Variants in MYBPC1 observed in about 807,000 individuals in gnomAD.
The protein encoded by MYBPC1 is myosin-binding protein C, slow-type.
In MYBPC1, 52 loss-of-function variants were observed where a neutral mutation model predicts 147.1. The ratio of observed to expected loss-of-function variants is 0.35; its 90% confidence interval spans 0.28 to 0.45. MYBPC1 has a LOEUF of 0.45. MYBPC1 is among the 20% of genes least tolerant of loss of function. The pLI is 1.00. For missense variants in MYBPC1, 1,228 were observed against 1,440.3 expected (o/e 0.85, Z 2.39); for synonymous variants, 477 against 475.9 (o/e 1.00, Z -0.03).
intron 30 of MYBPC1, among the ~76,000 whole-genome samples, chr12:101,683,297 G>T (rs923963076): frequency 4.6e-5 from 7 of 152,066 alleles, no homozygotes; most frequent in African/African-American, 1.7e-4. Context: ...AGGTGTGGTG[G>T]CACATGCCTA....
At chr12:101,680,595 T>C in intron 29 of MYBPC1, 66 bp downstream of exon 29, 1 of 1,584,302 alleles carries the variant, frequency 6.3e-7, no homozygotes, top group Non-Finnish European at 8.6e-7. Context: ...TTGTTCTTAA[T>C]GCTTATTGTT....
chr12:101,692,482 A>G, the MYBPC1 span, among the ~76,000 whole-genome samples: 2 of 152,328 alleles, frequency 1.3e-5, no homozygotes, highest in East Asian at 3.9e-4. Flanking sequence ...TGGCTTTACC[A>G]CTATACTAGC....
At chr12:101,596,350 C>T (rs1214911873) in intron 1 of MYBPC1, among the ~76,000 whole-genome samples, 9 of 152,228 alleles carry the variant, frequency 5.9e-5, no homozygotes. Flanking sequence ...TTAATCCTGA[C>T]TGTCAGGCAG....
At chr12:101,634,090 C>T (rs548978919) in intron 8 of MYBPC1, among the ~76,000 whole-genome samples, 47 of 152,100 alleles carry the variant, frequency 3.1e-4, no homozygotes, top group African/African-American at 1.1e-3. Flanking sequence ...TTAGTAGAGA[C>T]GGGGTTTCAC....
chr12:101,618,652 CT>C (rs1317688449), intron 3 of MYBPC1, among the ~76,000 whole-genome samples: 6 of 152,144 alleles, frequency 3.9e-5, no homozygotes, highest in Admixed American at 3.9e-4. Context: ...CCATATTATA[CT>C]TGTATGCTTA....
intron 23 of MYBPC1, among the ~76,000 whole-genome samples, chr12:101,668,317 A>G (rs1009765233): frequency 6.6e-6 from 1 of 152,230 alleles, no homozygotes; most frequent in African/African-American, 2.4e-5. Context: ...ATCTTCACTG[A>G]TAGTATAAAA....
intron 22 of MYBPC1, among the ~76,000 whole-genome samples, chr12:101,663,985 T>A (rs11110944): frequency 0.026 from 4,016 of 152,298 alleles, 257 homozygotes; most frequent in East Asian, 0.25. Flanking sequence ...AAAGGGAGAC[T>A]ACATATTTGG....
downstream of MYBPC1, among the ~76,000 whole-genome samples, chr12:101,686,193 A>T (rs576711082): frequency 1.7e-3 from 256 of 152,304 alleles, no homozygotes; most frequent in Non-Finnish European, 2.9e-3. Context: ...TTTCAAACAA[A>T]TTTTCTCAGT....
Position 101,617,205 on chromosome 12 carries a change from C to G in MYBPC1, c.65C>G (p.Pro22Arg), listed in dbSNP as rs1277030354. Residue 22 changes from proline to arginine, a missense_variant, in exon 3 of 32, where the codon CCA (proline) becomes CGA (arginine). By Grantham distance (103) the Pro-to-Arg change is moderately radical. Transcript: ENST00000361466. The part of the protein sequence containing the change: ...VPAPAPPPEE[P>R]SKEKEAGTTP... ...TATGCTTGTACTTTCTACACAGAAC[C>G]AAGTAAAGAGAAGGAGGCCGGAACT... 5 of 1,613,596 alleles carry G rather than the reference C, an allele frequency of 3.1e-6. No homozygotes were observed. The highest frequency in any genetic ancestry group is 4.2e-6 in the Non-Finnish European group (5 of 1,179,798).
chr12:101,645,186 A>T (rs1237457098), intron 12 of MYBPC1, among the ~76,000 whole-genome samples: 2 of 152,244 alleles, frequency 1.3e-5, no homozygotes, highest in Admixed American at 1.3e-4. Context: ...TTGCTTTTCC[A>T]AAATAACGAC....
intron 2 of MYBPC1, chr12:101,614,915 T>G (rs889486617): frequency 8.6e-5 from 27 of 313,436 alleles, no homozygotes; most frequent in Middle Eastern, 1.1e-3. Context: ...TTTATGAGAG[T>G]GGGGAGTGGA....
downstream of MYBPC1, among the ~76,000 whole-genome samples, chr12:101,689,165 C>CTTTT (rs1951386751): frequency 6.6e-6 from 1 of 152,034 alleles, no homozygotes; most frequent in South Asian, 2.1e-4. Flanking sequence ...ACAGGACTTA[C>CTTTT]CATATTACTT....
At chr12:101,669,937 AAAG>A (rs758853281) in intron 23 of MYBPC1, 60,488 of 251,820 alleles carry the variant, frequency 0.24, 8,056 homozygotes, top group Admixed American at 0.4. Context: ...TGAAAAAAAA[AAAG>A]AAAAAAAAAA....
At chr12:101,636,976 T>TA (rs1216480357) in intron 10 of MYBPC1, 3 of 230,974 alleles carry the variant, frequency 1.3e-5, no homozygotes, top group Non-Finnish European at 2.2e-5. Context: ...TATTTTTTTT[T>TA]AAATGGGGAC....
intron 1 of MYBPC1, among the ~76,000 whole-genome samples, chr12:101,612,668 A>C (rs931876720): frequency 3.9e-5 from 6 of 152,242 alleles, no homozygotes; most frequent in African/African-American, 1.4e-4. Context: ...CTGTAGACAG[A>C]GCCAGGAAGA....
intron 3 of MYBPC1, among the ~76,000 whole-genome samples, chr12:101,622,594 G>A (rs1887678062): frequency 6.6e-6 from 1 of 152,078 alleles, no homozygotes; most frequent in South Asian, 2.1e-4. Context: ...AATTAGCCAG[G>A]CATGGTGACA....
At position 101,653,096 on chromosome 12, in the gene MYBPC1, AC is replaced by A. The variant is rs3835190; in HGVS notation, c.1634-18del. The A allele has an allele frequency of 0.26, 420,281 of 1,610,676 alleles. 57,525 individuals carry two copies. Among genetic ancestry groups the A allele is most frequent in the Middle Eastern group, 0.32 (1,949 of 6,056 alleles). On this transcript the variant is annotated intron_variant, in intron 17 of 31. Coordinates refer to ENST00000361466, the MANE Select transcript of MYBPC1 (RefSeq NM_002465.4). ...CAGAAATGACTGTCTGATAACAAAG[AC>A]TATGCTTAATATTCTAGATCCTCCT...
At chr12:101,672,570 G>A (rs188633020) in intron 24 of MYBPC1, among the ~76,000 whole-genome samples, 38 of 152,230 alleles carry the variant, frequency 2.5e-4, no homozygotes, top group African/African-American at 8.7e-4. Flanking sequence ...GATATTGGCC[G>A]GGCACGGTGG....
At chr12:101,638,958 A>C (rs1347711672) in intron 10 of MYBPC1, among the ~76,000 whole-genome samples, 1 of 145,310 alleles carries the variant, frequency 6.9e-6, no homozygotes, top group Non-Finnish European at 1.5e-5. Flanking sequence ...ATGCGTTTTC[A>C]TTGCGGTAAT....
Sources: allele counts gnomAD v4.1 joint callset (sites outside exome capture counted in the v4.1 genomes callset), GRCh38; gene constraint gnomAD v4.1.1; transcripts MANE v1.5; gene names NCBI Gene and HGNC (gene_info 2026-07-23, HGNC 2026-07-21).